Variants in USP15 observed in about 807,000 individuals in gnomAD.
USP15 encodes ubiquitin carboxyl-terminal hydrolase 15.
A neutral mutation model predicts 127.1 loss-of-function variants in USP15; 18 were observed. The observed-to-expected ratio is 0.14, with a 90% CI of 0.10 to 0.21. The LOEUF is 0.21. Ranked by LOEUF, USP15 falls within the 10% of genes least tolerant of loss-of-function variation. The pLI is 1.00. For missense variants in USP15, 805 were observed against 1,159.9 expected, an observed-to-expected ratio of 0.69 and a Z score of 4.44; for synonymous variants, 364 against 393.7, an observed-to-expected ratio of 0.92 and a Z score of 0.89.
intron 6 of USP15, among the ~76,000 whole-genome samples, chr12:62,348,198 A>G (rs187751374): frequency 7.9e-5 from 12 of 152,188 alleles, no homozygotes; most frequent in Admixed American, 7.2e-4. Flanking sequence ...ACAGAACGAA[A>G]CCCTGTCTCT....
chr12:62,284,649 G>A (rs1047705114), intron 1 of USP15, among the ~76,000 whole-genome samples: 2 of 152,084 alleles, frequency 1.3e-5, no homozygotes, highest in African/African-American at 4.8e-5. Context: ...TTACACACAT[G>A]AGCTTTAAAT....
intron 3 of USP15, 147 bp from the exon 4 acceptor site, chr12:62,314,643 C>A (rs1435674770): frequency 1.0e-5 from 8 of 766,836 alleles, no homozygotes; most frequent in Non-Finnish European, 1.5e-5. Flanking sequence ...TATCCAATAT[C>A]TTTTTTTATA....
At chr12:62,375,146 G>T (rs1456667713) in intron 8 of USP15, among the ~76,000 whole-genome samples, 2 of 152,078 alleles carry the variant, frequency 1.3e-5, no homozygotes, top group African/African-American at 4.8e-5. Context: ...CTTCGAGGTT[G>T]AAGATTTAGG....
At chr12:62,355,268 A>G in intron 7 of USP15, 63 bp from the exon 8 acceptor site, 2 of 1,375,020 alleles carry the variant, frequency 1.5e-6, no homozygotes, top group Admixed American at 4.7e-5. Flanking sequence ...GGCCTAAAGT[A>G]CTCTTTATTA....
chr12:62,279,390 T>TA (rs760510053), intron 1 of USP15, among the ~76,000 whole-genome samples: 1 of 152,186 alleles, frequency 6.6e-6, no homozygotes, highest in Non-Finnish European at 1.5e-5. Flanking sequence ...CAAAAGACAT[T>TA]AAGGTTGTTT....
At chr12:62,359,727 C>G (rs1183635493) in intron 8 of USP15, among the ~76,000 whole-genome samples, 2 of 151,992 alleles carry the variant, frequency 1.3e-5, no homozygotes, top group Admixed American at 1.3e-4. Context: ...AATTTCTGAA[C>G]TATGCTAATT....
chr12:62,355,605 C>G, intron 8 of USP15, 130 bp downstream of exon 8: 3 of 1,042,112 alleles, frequency 2.9e-6, no homozygotes, highest in Non-Finnish European at 4.0e-6. Context: ...AAGATTTAAG[C>G]ATACATATTT....
At chr12:62,317,200 G>T (rs777776657) in intron 4 of USP15, among the ~76,000 whole-genome samples, 9 of 152,082 alleles carry the variant, frequency 5.9e-5, no homozygotes, top group Non-Finnish European at 1.0e-4. Context: ...AAGCAAAAAG[G>T]TTTGCAAAAA....
At chr12:62,313,805 G>C (rs10506440) in intron 3 of USP15, among the ~76,000 whole-genome samples, 1 of 151,430 alleles carries the variant, frequency 6.6e-6, no homozygotes, top group Non-Finnish European at 1.5e-5. Flanking sequence ...ATAAAAATGT[G>C]TGTTGGATTA....
At chr12:62,355,596 A>G in intron 8 of USP15, 121 bp downstream of exon 8, 1 of 1,103,168 alleles carries the variant, frequency 9.1e-7, no homozygotes, top group Non-Finnish European at 1.3e-6. Flanking sequence ...TTTTCATGGA[A>G]GATTTAAGCA....
At chr12:62,336,645 T>C (rs1271194957) in intron 6 of USP15, 1 of 348,670 alleles carries the variant, frequency 2.9e-6, no homozygotes, top group Non-Finnish European at 4.0e-6. Context: ...AATAACACTT[T>C]TATGAAAATA....
At chr12:62,327,857 A>G (rs2065175428) in intron 6 of USP15, 1 of 254,862 alleles carries the variant, frequency 3.9e-6, no homozygotes, top group Non-Finnish European at 7.8e-6. Context: ...TAAGGATGCC[A>G]TATACTAAAG....
chr12:62,333,459 GTTTGT>G (rs1565863429), intron 6 of USP15, among the ~76,000 whole-genome samples: 1 of 151,764 alleles, frequency 6.6e-6, no homozygotes, highest in African/African-American at 2.4e-5. Flanking sequence ...TCTTTTGTTT[GTTTGT>G]TTTGTTTTGT....
intron 8 of USP15, chr12:62,374,641 A>G: frequency 1.1e-6 from 1 of 897,338 alleles, no homozygotes; most frequent in Non-Finnish European, 1.3e-6. Context: ...ATATAATAGA[A>G]CATTATTTGA....
At chr12:62,328,269 G>T in intron 6 of USP15, 1 of 451,764 alleles carries the variant, frequency 2.2e-6, no homozygotes. Flanking sequence ...CGAGAGATCA[G>T]CAATCTTTTT....
chr12:62,360,558 TCTTAC>T (rs1196226406), intron 8 of USP15, among the ~76,000 whole-genome samples: 1 of 152,084 alleles, frequency 6.6e-6, no homozygotes, highest in Non-Finnish European at 1.5e-5. Flanking sequence ...ACTAGCCTAC[TCTTAC>T]CTTGAGACTT....
rs185553733 is a variant in USP15 at position 62,412,713 on chromosome 12, T to A, written c.*8338T>A. 6.6e-6 allele frequency: 1 copy of A among 152,294 alleles called. No homozygotes were observed. The highest frequency in any genetic ancestry group is 1.5e-5 in the Non-Finnish European group (1 of 68,030). The allele number at this position is 152,294 out of a possible 1,614,324, so 9.4% of individuals were successfully genotyped here. ...AAGTTTTATCATAAGATTGCAGCAA[T>A]CCAGACACATCTTCAGGCTCCACTT... On this transcript the variant is annotated 3_prime_UTR_variant, in exon 22 of 22. Coordinates refer to ENST00000280377, the MANE Select transcript of USP15 (RefSeq NM_001252078.2).
intron 6 of USP15, among the ~76,000 whole-genome samples, chr12:62,343,759 C>A (rs1240534212): frequency 6.6e-6 from 1 of 152,130 alleles, no homozygotes; most frequent in Non-Finnish European, 1.5e-5. Flanking sequence ...GAGATGGATA[C>A]CTCAGTTGGA....
chr12:62,279,756 G>A (rs1271823130), intron 1 of USP15, among the ~76,000 whole-genome samples: 1 of 152,094 alleles, frequency 6.6e-6, no homozygotes, highest in East Asian at 1.9e-4. Flanking sequence ...GAAAAGAACC[G>A]ACTGCATGTA....
Sources: allele counts gnomAD v4.1 joint callset (sites outside exome capture counted in the v4.1 genomes callset), GRCh38; gene constraint gnomAD v4.1.1; transcripts MANE v1.5; gene names NCBI Gene and HGNC (gene_info 2026-07-23, HGNC 2026-07-21).